RPL22: variants seen among roughly 807,000 people sequenced by gnomAD.
The protein encoded by RPL22 is ribosomal protein L22.
RPL22 carries 4 observed loss-of-function variants against 16.2 expected under a neutral mutation model. That is an observed-to-expected ratio of 0.25 (90% confidence interval 0.12 to 0.57). The LOEUF (loss-of-function observed/expected upper bound fraction) is 0.57, where lower values mean the gene tolerates loss of function less well. Among genes scored for constraint, RPL22 ranks in the 20% least tolerant of loss-of-function variants. The pLI, the probability that RPL22 is intolerant of heterozygous loss-of-function variation, is 0.92. For missense variants in RPL22, 83 were observed against 156.1 expected (o/e 0.53, Z 2.49); for synonymous variants, 43 against 54.8 (o/e 0.78, Z 0.95).
intron 2 of RPL22, among the ~76,000 whole-genome samples, chr1:6,195,139 A>C (rs574448828): frequency 8.6e-4 from 130 of 151,212 alleles, no homozygotes; most frequent in Middle Eastern, 6.8e-3. Flanking sequence ...TCCGTCTCAA[A>C]ATAAATAAAT....
chr1:6,199,570 C>A lies in RPL22; in HGVS notation c.4G>T (p.Ala2Ser). 1.9e-6 allele frequency: 3 copies of A among 1,568,562 alleles called. No homozygotes were observed. Among genetic ancestry groups the A allele is most frequent in the South Asian group, 1.2e-5 (1 of 85,070 alleles). ...CGCGGAGCCATACTAACCACAGGAG[C>A]CATGGCGGCAGCGGAGTTAGAAAGG... The part of the protein sequence containing the change: M[A>S]PVKKLVVKGG... The change falls in exon 1 of 4, where the codon GCT becomes TCT. Residue 2 changes from alanine (A) to serine (S), a missense_variant. Coordinates refer to ENST00000234875, the MANE Select transcript of RPL22 (RefSeq NM_000983.4).
At position 6,186,681 on chromosome 1, in the gene RPL22, G is replaced by A. The variant is rs376743120; in HGVS notation, c.378C>T (p.Asp126=). The A allele has an allele frequency of 4.5e-4, 703 of 1,546,914 alleles. 9 individuals are homozygous for A. The South Asian group carries it at 7.6e-3, about 17-fold the overall frequency. The change falls in exon 4 of 4, where the codon GAC becomes GAT. Residue 126 remains aspartate (D), a synonymous_variant. Transcript: ENST00000234875. ...TCCAGATAAATGAAATTTAATCCTC[G>A]TCTTCCTCCTCTTCTTCGTCCTGGT... The part of the protein sequence containing the change: ...QINQDEEEEE[D]ED
chr1:6,196,300 GA>G (rs992886957), intron 2 of RPL22, among the ~76,000 whole-genome samples: 3 of 152,094 alleles, frequency 2.0e-5, no homozygotes, highest in African/African-American at 7.2e-5. Context: ...GCCACCATGT[GA>G]ATACCAAACT....
In RPL22 at chr1:6,193,039, C is replaced by T. The variant is rs754038770; in HGVS notation, c.133G>A (p.Glu45Lys). The stretch of plus-strand genomic sequence containing the variant: ...GCTTTTCCGTTCACTTTGATCCTTT[C>T]TTGCAAAAACTGCTCCTGTAGAAAT... ...DAANFEQFLQ[E>K]RIKVNGKAGN... Residue 45 changes from glutamate to lysine, a missense_variant, in exon 3 of 4, where the codon GAA becomes AAA. Transcript: ENST00000234875. The T allele has an allele frequency of 6.2e-7, 1 of 1,614,154 alleles. No individual in the cohort carries two copies. Among genetic ancestry groups the T allele is most frequent in the Non-Finnish European group, 8.5e-7 (1 of 1,180,012 alleles).
chr1:6,199,312 C>T, intron 1 of RPL22: 1 of 1,066,168 alleles, frequency 9.4e-7, no homozygotes, highest in Non-Finnish European at 1.2e-6. Context: ...TCCAGCTCCC[C>T]GCTAGCCCCT....
In RPL22 at chr1:6,185,249, T is replaced by C. The variant is rs183430195; in HGVS notation, c.*1423A>G. On this transcript the variant is annotated 3_prime_UTR_variant, in exon 4 of 4. Coordinates refer to ENST00000234875, the MANE Select transcript of RPL22 (RefSeq NM_000983.4). ...TACATGGGAACATCAATGCAACAAG[T>C]AGAATTTGTAAACTCAAGCCACAAA... is the stretch of plus-strand genomic sequence containing the variant. The C allele has an allele frequency of 5.5e-5, 22 of 398,816 alleles. No individual in the cohort carries two copies. Among genetic ancestry groups the C allele is most frequent in the African/African-American group, 4.5e-4 (22 of 48,720 alleles). 24.7% of individuals were successfully genotyped at this position (398,816 alleles called of 1,614,324 possible).
chr1:6,195,122 G>A (rs1667699183), intron 2 of RPL22, among the ~76,000 whole-genome samples: 2 of 151,690 alleles, frequency 1.3e-5, no homozygotes, highest in Non-Finnish European at 1.5e-5. Flanking sequence ...GGGCAACAGA[G>A]CAAGACTCCG....
At chr1:6,191,291 C>T (rs1263710144) in intron 3 of RPL22, among the ~76,000 whole-genome samples, 3 of 142,414 alleles carry the variant, frequency 2.1e-5, no homozygotes, top group East Asian at 2.2e-4. Context: ...ACCCAGAAGC[C>T]GGAGGTTGCA....
At chr1:6,194,832 G>C (rs954124861) in intron 2 of RPL22, among the ~76,000 whole-genome samples, 2 of 152,174 alleles carry the variant, frequency 1.3e-5, no homozygotes, top group African/African-American at 4.8e-5. Flanking sequence ...AGGCTGCAGT[G>C]AGCCAGGATC....
At chr1:6,197,320 G>A (rs770891111) in intron 2 of RPL22, among the ~76,000 whole-genome samples, 1 of 152,196 alleles carries the variant, frequency 6.6e-6, no homozygotes, top group Admixed American at 6.5e-5. Context: ...GTGAGCCACC[G>A]TGCCTGGCTT....
intron 1 of RPL22, chr1:6,199,131 G>A (rs1042979579): frequency 2.1e-5 from 4 of 186,902 alleles, no homozygotes; most frequent in Non-Finnish European, 4.4e-5. Flanking sequence ...AAAGCACGCC[G>A]ACCAAGCCGC....
chr1:6,199,337 G>C (rs1246714542), intron 1 of RPL22: 24 of 1,258,276 alleles, frequency 1.9e-5, no homozygotes, highest in Non-Finnish European at 2.4e-5. Context: ...GGGGCCCCGG[G>C]CCTCCGAGAC....
At chr1:6,191,275 G>A (rs1277978989) in intron 3 of RPL22, among the ~76,000 whole-genome samples, 3 of 147,754 alleles carry the variant, frequency 2.0e-5, no homozygotes, top group Non-Finnish European at 4.4e-5. Flanking sequence ...TAGGAGAATC[G>A]CTTGAACCCA....
intron 2 of RPL22, among the ~76,000 whole-genome samples, chr1:6,195,850 G>A (rs1471483076): frequency 6.6e-6 from 1 of 152,022 alleles, no homozygotes; most frequent in Non-Finnish European, 1.5e-5. Context: ...ATCACCTAAA[G>A]TCAGGGGTTC....
At chr1:6,188,179 A>G (rs182532081) in intron 3 of RPL22, among the ~76,000 whole-genome samples, 1 of 152,308 alleles carries the variant, frequency 6.6e-6, no homozygotes, top group East Asian at 1.9e-4. Flanking sequence ...TTACAGGTGT[A>G]TAACACCATG....
intron 3 of RPL22, among the ~76,000 whole-genome samples, chr1:6,192,511 A>C (rs1291932644): frequency 6.6e-6 from 1 of 152,204 alleles, no homozygotes; most frequent in Non-Finnish European, 1.5e-5. Context: ...CAGCCTGGCC[A>C]ACATGGTGAA....
At chr1:6,194,927 A>C (rs1319725532) in intron 2 of RPL22, among the ~76,000 whole-genome samples, 1 of 152,182 alleles carries the variant, frequency 6.6e-6, no homozygotes, top group Non-Finnish European at 1.5e-5. Flanking sequence ...TCACGAGGTC[A>C]GGAGATCGAG....
intron 3 of RPL22, among the ~76,000 whole-genome samples, chr1:6,187,509 GA>G (rs796308644): frequency 2.0e-5 from 3 of 151,390 alleles, no homozygotes; most frequent in African/African-American, 7.3e-5. Flanking sequence ...AGCTAGTCAG[GA>G]GGCTGAGGTA....
chr1:6,192,489 G>A (rs542497582), intron 3 of RPL22, among the ~76,000 whole-genome samples: 3 of 152,146 alleles, frequency 2.0e-5, no homozygotes, highest in Admixed American at 6.5e-5. Context: ...CTTGAGGGGA[G>A]GAATTTGAGA....
Sources: allele counts gnomAD v4.1 joint callset (sites outside exome capture counted in the v4.1 genomes callset), GRCh38; gene constraint gnomAD v4.1.1; transcripts MANE v1.5; gene names NCBI Gene and HGNC (gene_info 2026-07-23, HGNC 2026-07-21).